PCDHGA6: variants seen among roughly 807,000 people sequenced by gnomAD.
PCDHGA6 encodes protocadherin gamma subfamily A, 6.
In PCDHGA6, 41 loss-of-function variants were observed where a neutral mutation model predicts 60.6. That is an observed-to-expected ratio of 0.68 (90% CI 0.53 to 0.88). The LOEUF is 0.88. Ranked by LOEUF, PCDHGA6 falls within the 40% of genes least tolerant of loss-of-function variation. The probability of loss-of-function intolerance (pLI) is 0.00; values close to 1 mark genes in which losing one functional copy is unlikely to be tolerated. For missense variants in PCDHGA6, 1,312 were observed against 1,203.0 expected (o/e 1.09, Z -1.34); for synonymous variants, 594 against 524.4 (o/e 1.13, Z -1.81).
rs2099624499 is a variant in PCDHGA6, at chr5:141,486,100, C to A, written c.2425-8707C>A. The A allele has an allele frequency of 6.2e-7, 1 of 1,614,072 alleles. No homozygotes were observed. The highest frequency in any genetic ancestry group is 1.3e-5 in the African/African-American group (1 of 74,930). ...AGCTTACTCTTTTGGGGCCCCTAGA[C>A]TTTGAGAGTGAGAATTACTATGAAT... On this transcript the variant is annotated intron_variant, in intron 1 of 3. Coordinates refer to ENST00000517434, the MANE Select transcript of PCDHGA6 (RefSeq NM_018919.3). This position sits in a 1 kb window ranked among gnomAD's most constrained non-coding sequence, Gnocchi z 5.0.
At chr5:141,474,606 T>C (rs1156236978) in intron 1 of PCDHGA6, among the ~76,000 whole-genome samples, 1 of 152,242 alleles carries the variant, frequency 6.6e-6, no homozygotes, top group Non-Finnish European at 1.5e-5. Context: ...ATAGGTCACA[T>C]ATGGCTTTTC....
Position 141,431,351 on chromosome 5 carries a change from C to T in PCDHGA6, c.2424+54844C>T, listed in dbSNP as rs1411192998. On this transcript the variant is annotated intron_variant, in intron 1 of 3. Coordinates refer to ENST00000517434, the MANE Select transcript of PCDHGA6 (RefSeq NM_018919.3). The surrounding 1 kb of genome is among the most constrained non-coding windows in gnomAD (Gnocchi z 4.8). ...TAAGTACCCCGAATTGGTGCTGAAACGCGCCCTGGACCGCGAAGAAAAGGC... is the reference window on the plus strand; with the variant it reads ...TAAGTACCCCGAATTGGTGCTGAAATGCGCCCTGGACCGCGAAGAAAAGGC... The T allele has an allele frequency of 1.9e-6, 3 of 1,613,946 alleles. No homozygotes were observed. Among genetic ancestry groups the T allele is most frequent in the African/African-American group, 2.7e-5 (2 of 74,938 alleles).
Position 141,375,615 on chromosome 5 carries a change from C to G in PCDHGA6, c.1532C>G (p.Thr511Ser), listed in dbSNP as rs778578584. ...LSSYVSINSD[T>S]GILYALRSFD... Reference sequence around the variant, plus strand: ...TCCTACGTGTCCATCAACTCCGACACTGGGATTCTGTACGCCCTGCGCTCC... The same window carrying G: ...TCCTACGTGTCCATCAACTCCGACAGTGGGATTCTGTACGCCCTGCGCTCC... Residue 511 changes from threonine (T) to serine (S), a missense_variant, in exon 1 of 4, where the codon ACT becomes AGT. By Grantham distance (58) the Thr-to-Ser change is moderately conservative. Coordinates refer to ENST00000517434, the MANE Select transcript of PCDHGA6 (RefSeq NM_018919.3). The G allele has an allele frequency of 6.8e-6, 11 of 1,614,124 alleles. No homozygotes were observed. In the South Asian group the frequency reaches 1.2e-4, roughly 18 times the overall value.
chr5:141,487,067 G>C lies in PCDHGA6; in HGVS notation c.2425-7740G>C, dbSNP rs765539804. 3 of 1,614,048 alleles carry C rather than the reference G, an allele frequency of 1.9e-6. No individual in the cohort carries two copies. The highest frequency in any genetic ancestry group is 3.3e-5 in the Admixed American group (2 of 60,010). ...ATATGCTGGGGAGGTGCGGACGGCT[G>C]TTCCTATCCCAGCTGACCTCCCACC... On this transcript the variant is annotated intron_variant, in intron 1 of 3. Coordinates refer to ENST00000517434, the MANE Select transcript of PCDHGA6 (RefSeq NM_018919.3). The surrounding 1 kb of genome is among the most constrained non-coding windows in gnomAD (Gnocchi z 5.0).
chr5:141,441,789 A>G (rs889545483), intron 1 of PCDHGA6: 4 of 391,886 alleles, frequency 1.0e-5, no homozygotes, highest in Middle Eastern at 6.4e-4. Context: ...CCTGAATGAC[A>G]ACGCACCGCG....
chr5:141,398,890 G>A (rs763743728), intron 1 of PCDHGA6: 1 of 1,613,920 alleles, frequency 6.2e-7, no homozygotes, highest in East Asian at 2.2e-5. Context: ...TCGGGAAAAC[G>A]TGCCACCAGG....
At chr5:141,412,434 A>C (rs2095556498) in intron 1 of PCDHGA6, 1 of 152,240 alleles carries the variant, frequency 6.6e-6, no homozygotes, top group Admixed American at 6.5e-5. Flanking sequence ...CAAAAAGGTT[A>C]ATTAAGGCTC....
rs1036281905 is a variant in PCDHGA6 at position 141,493,555 on chromosome 5, T to C, written c.2425-1252T>C. ...GCCAGTTATCCTTTTGGAGATTGAG[T>C]TCCCCCAGCTCCGTTTCCTCCTATC... On this transcript the variant is annotated intron_variant, in intron 1 of 3. Transcript: ENST00000517434. This position sits in a 1 kb window ranked among gnomAD's most constrained non-coding sequence, Gnocchi z 4.3. Among the ~76,000 whole-genome samples, 3 of 152,012 alleles carry C rather than the reference T, an allele frequency of 2.0e-5. No individual in the cohort carries two copies. Among genetic ancestry groups the C allele is most frequent in the African/African-American group, 7.3e-5 (3 of 41,362 alleles).
intron 1 of PCDHGA6, chr5:141,383,874 T>C: frequency 1.2e-6 from 2 of 1,614,012 alleles, no homozygotes; most frequent in Non-Finnish European, 1.7e-6. Context: ...AAGATGGTCC[T>C]GGTAGTCTGA....
intron 1 of PCDHGA6, among the ~76,000 whole-genome samples, chr5:141,387,106 A>G (rs2090822229): frequency 6.6e-6 from 1 of 152,238 alleles, no homozygotes; most frequent in African/African-American, 2.4e-5. Context: ...GAATCACATA[A>G]TATTCCTGTA....
chr5:141,394,173 C>T, intron 1 of PCDHGA6: 1 of 1,613,948 alleles, frequency 6.2e-7, no homozygotes, highest in Non-Finnish European at 8.5e-7. Flanking sequence ...TACTTTCCCT[C>T]ATGCCTCCTA....
rs1386737349 is a variant in PCDHGA6 at position 141,486,423 on chromosome 5, C to T, written c.2425-8384C>T. The T allele has an allele frequency of 6.2e-7, 1 of 1,614,042 alleles. No individual in the cohort carries two copies. The highest frequency in any genetic ancestry group is 8.5e-7 in the Non-Finnish European group (1 of 1,180,030). ...ACTGCTGGACCCTTGGATCGAGAGG[C>T]CAAATCTAGCTATGACATCATGGTC... is the stretch of plus-strand genomic sequence containing the variant. On this transcript the variant is annotated intron_variant, in intron 1 of 3. Transcript: ENST00000517434. The surrounding 1 kb of genome is among the most constrained non-coding windows in gnomAD (Gnocchi z 5.0).
chr5:141,395,013 G>A, intron 1 of PCDHGA6: 2 of 1,614,064 alleles, frequency 1.2e-6, no homozygotes, highest in South Asian at 1.1e-5. Flanking sequence ...CAGATTGGTA[G>A]GCGTGCCTGC....
chr5:141,386,660 A>C (rs1300288203), intron 1 of PCDHGA6, among the ~76,000 whole-genome samples: 1 of 151,968 alleles, frequency 6.6e-6, no homozygotes, highest in Non-Finnish European at 1.5e-5. Context: ...CAAGTTCTGC[A>C]GTGTTCACAT....
At chr5:141,494,064 G>T (rs1233070772) in intron 1 of PCDHGA6, among the ~76,000 whole-genome samples, 2 of 152,160 alleles carry the variant, frequency 1.3e-5, no homozygotes, top group South Asian at 2.1e-4. Flanking sequence ...TGTGGGAGCT[G>T]GATCCCTCCC....
intron 1 of PCDHGA6, chr5:141,382,673 A>G: frequency 2.3e-6 from 1 of 437,012 alleles, no homozygotes; most frequent in Non-Finnish European, 4.0e-6. Context: ...GCCGCTGTTC[A>G]CCAACCAGGG....
Position 141,490,051 on chromosome 5 carries a change from G to C in PCDHGA6, c.2425-4756G>C, listed in dbSNP as rs779280988. 1 of 1,614,214 alleles carries C rather than the reference G, an allele frequency of 6.2e-7. No individual in the cohort carries two copies. The highest frequency in any genetic ancestry group is 1.1e-5 in the South Asian group (1 of 91,082). On this transcript the variant is annotated intron_variant, in intron 1 of 3. Coordinates refer to ENST00000517434, the MANE Select transcript of PCDHGA6 (RefSeq NM_018919.3). The surrounding 1 kb of genome is among the most constrained non-coding windows in gnomAD (Gnocchi z 5.4). Reference sequence around the variant, plus strand: ...CCGCCTCAATGCCACTGATCCAGACGAGGGCACCAACGGCCAACTAGACTA... The same window carrying C: ...CCGCCTCAATGCCACTGATCCAGACCAGGGCACCAACGGCCAACTAGACTA...
At chr5:141,467,110 T>C (rs2099137137) in intron 1 of PCDHGA6, among the ~76,000 whole-genome samples, 1 of 151,604 alleles carries the variant, frequency 6.6e-6, no homozygotes, top group Non-Finnish European at 1.5e-5. Context: ...TGGAGTACAA[T>C]GGTGCAATCT....
chr5:141,409,912 C>A (rs775668669), intron 1 of PCDHGA6: 2 of 1,613,180 alleles, frequency 1.2e-6, no homozygotes, highest in African/African-American at 2.7e-5. Flanking sequence ...TGGGTCCTGA[C>A]GGCTCCGCGT....
Sources: allele counts gnomAD v4.1 joint callset (sites outside exome capture counted in the v4.1 genomes callset), GRCh38; gene constraint gnomAD v4.1.1; non-coding constraint Gnocchi (gnomAD v3.1); transcripts MANE v1.5; gene names NCBI Gene and HGNC (gene_info 2026-07-23, HGNC 2026-07-21).